Variants in FGF13 observed in about 807,000 individuals in gnomAD.
FGF13 encodes the protein fibroblast growth factor homologous factor 2.
Under a neutral mutation model 19.5 loss-of-function variants are expected in FGF13, and 2 were observed. That is an observed-to-expected ratio of 0.10 (90% CI 0.04 to 0.32). FGF13 has a LOEUF of 0.32. Ranked by LOEUF, FGF13 falls within the 10% of genes least tolerant of loss-of-function variation. FGF13 has a pLI of 1.00. For synonymous variants in FGF13, 72 were observed against 76.9 expected, an observed-to-expected ratio of 0.94 and a Z score of 0.33; for missense variants, 113 against 192.7, an observed-to-expected ratio of 0.59 and a Z score of 2.45.
At chrX:138,892,034 A>G (rs866653888) in intron 1 of FGF13, among the ~76,000 whole-genome samples, 3 of 69,251 alleles carry the variant, frequency 4.3e-5, no homozygotes, top group African/African-American at 1.5e-4. Flanking sequence ...GTGTGTGTGT[A>G]TTATCTCCTA....
At chrX:138,789,321 A>T (rs1439661244) in intron 3 of FGF13, among the ~76,000 whole-genome samples, 1 of 106,098 alleles carries the variant, frequency 9.4e-6, no homozygotes, top group Non-Finnish European at 1.9e-5. Flanking sequence ...GGTGCCTGCC[A>T]CTACCCTCAG....
chrX:139,127,692 A>T (rs2083727261), intron 1 of FGF13, among the ~76,000 whole-genome samples: 1 of 111,923 alleles, frequency 8.9e-6, no homozygotes, highest in Admixed American at 9.4e-5. Context: ...GCTAAGGAGA[A>T]TGACATGCCA....
rs144244395 is a variant in FGF13, at chrX:138,928,596, T to G, written c.-112-63946A>C. ...ATCTCCCAATCCCCAGAGGGCAGCA[T>G]AATCCCTACAGCAAAAGAGTAATAA... On this transcript the variant is annotated intron_variant, in intron 1 of 2. Transcript: ENST00000421460. Among the ~76,000 whole-genome samples the G allele has an allele frequency of 5.0e-3, 552 of 110,944 alleles. 2 individuals carry two copies. The highest frequency in any genetic ancestry group is 8.9e-3 in the Non-Finnish European group (471 of 52,988).
chrX:138,949,796 G>T (rs1026645309), intron 1 of FGF13, among the ~76,000 whole-genome samples: 1 of 111,877 alleles, frequency 8.9e-6, no homozygotes, highest in African/African-American at 3.2e-5. Flanking sequence ...AAGAAAAGAG[G>T]TAAGGGTATA....
rs1369688833 is a variant in FGF13, at chrX:138,625,466, A to G, written c.*7384T>C. On this transcript the variant is annotated 3_prime_UTR_variant, in exon 5 of 5. Transcript: ENST00000315930. ...TGAATGAAGAAAGAAAATTATATAT[A>G]TATACATATATATATATAATATATA... The G allele has an allele frequency of 2.1e-5, 2 of 96,040 alleles. No homozygotes were observed. The highest frequency in any genetic ancestry group is 2.4e-4 in the Admixed American group (2 of 8,354). 7.9% of individuals were successfully genotyped at this position (96,040 alleles called of 1,213,427 possible).
intron 1 of FGF13, among the ~76,000 whole-genome samples, chrX:138,984,629 G>GGAA (rs2091984797): frequency 4.0e-5 from 3 of 74,405 alleles, no homozygotes; most frequent in Non-Finnish European, 5.5e-5. Flanking sequence ...AGGAAGAGGA[G>GGAA]GAGGAGGAGG....
At chrX:139,190,357 T>C (rs2084315624) in intron 1 of FGF13, among the ~76,000 whole-genome samples, 1 of 109,501 alleles carries the variant, frequency 9.1e-6, no homozygotes, top group African/African-American at 3.4e-5. Flanking sequence ...TAAACCATAA[T>C]AATTGGTTGC....
chrX:138,985,994 A>G (rs2091993174), intron 1 of FGF13, among the ~76,000 whole-genome samples: 1 of 111,950 alleles, frequency 8.9e-6, no homozygotes, highest in African/African-American at 3.2e-5. Context: ...CACTGTTTAT[A>G]ATCGACTGTT....
chrX:138,767,063 T>C (rs1404114841), intron 3 of FGF13, among the ~76,000 whole-genome samples: 1 of 111,309 alleles, frequency 9.0e-6, no homozygotes, highest in African/African-American at 3.3e-5. Context: ...CGAGGCTCTG[T>C]GGGCCAAGTT....
chrX:138,690,990 T>C (rs902226873), intron 3 of FGF13, among the ~76,000 whole-genome samples: 5 of 111,549 alleles, frequency 4.5e-5, no homozygotes, highest in African/African-American at 1.6e-4. Flanking sequence ...TAGTATCTTA[T>C]GGATATTCAA....
At chrX:138,894,183 G>A (rs1024159342) in intron 1 of FGF13, among the ~76,000 whole-genome samples, 9 of 109,913 alleles carry the variant, frequency 8.2e-5, no homozygotes, top group African/African-American at 1.7e-4. Context: ...CCCGGGTCTC[G>A]GGGGATTCGG....
In FGF13 at chrX:138,956,131, G is replaced by A. The variant is rs141439495; in HGVS notation, c.-112-91481C>T. Among the ~76,000 whole-genome samples, 574 of 111,977 alleles carry A rather than the reference G, an allele frequency of 5.1e-3. 2 individuals carry two copies. The highest frequency in any genetic ancestry group is 0.011 in the African/African-American group (344 of 30,853). On this transcript the variant is annotated intron_variant, in intron 1 of 2. Coordinates refer to the FGF13 transcript ENST00000421460. Reference sequence around the variant, plus strand: ...AGCCAAACAAGCACCATACCAGGGCGAGCACCAGATACTGCTTCTTTAAGA... The same window carrying A: ...AGCCAAACAAGCACCATACCAGGGCAAGCACCAGATACTGCTTCTTTAAGA...
intron 1 of FGF13, among the ~76,000 whole-genome samples, chrX:138,899,146 G>C (rs2091518722): frequency 9.0e-6 from 1 of 111,356 alleles, no homozygotes; most frequent in South Asian, 3.8e-4. Context: ...GTCAGTTGCT[G>C]CTTTGGCTTG....
chrX:138,738,171 T>G (rs1356892480), intron 1 of FGF13, among the ~76,000 whole-genome samples: 1 of 111,850 alleles, frequency 8.9e-6, no homozygotes, highest in East Asian at 2.8e-4. Flanking sequence ...TTAATCCCAG[T>G]TAATTACATG....
chrX:138,873,025 CA>C (rs201653951), intron 1 of FGF13, among the ~76,000 whole-genome samples: 2,434 of 111,705 alleles, frequency 0.022, 71 homozygotes, highest in African/African-American at 0.075. Flanking sequence ...GCAACTTAGA[CA>C]GGGGGAGAAA....
chrX:139,055,375 T>C (rs1008207201), intron 1 of FGF13, among the ~76,000 whole-genome samples: 6 of 112,465 alleles, frequency 5.3e-5, no homozygotes, highest in Non-Finnish European at 1.1e-4. Flanking sequence ...TCTCCTGTTA[T>C]GCTTCTTTGA....
At chrX:139,107,563 A>C (rs2083569178) in intron 1 of FGF13, among the ~76,000 whole-genome samples, 1 of 111,342 alleles carries the variant, frequency 9.0e-6, no homozygotes, top group Admixed American at 9.6e-5. Context: ...ATATTTATGA[A>C]AGTAACTGAA....
intron 1 of FGF13, among the ~76,000 whole-genome samples, chrX:138,993,459 A>C (rs778426454): frequency 9.6e-4 from 108 of 111,920 alleles, no homozygotes; most frequent in African/African-American, 3.4e-3. Context: ...TTGCAATCCA[A>C]CCTATTTCAT....
chrX:139,155,451 A>C (rs141959845), intron 1 of FGF13, among the ~76,000 whole-genome samples: 146 of 112,030 alleles, frequency 1.3e-3, no homozygotes, highest in African/African-American at 4.1e-3. Flanking sequence ...AGTATCTACT[A>C]GAAAGAAAGT....
Sources: allele counts gnomAD v4.1 joint callset (sites outside exome capture counted in the v4.1 genomes callset), GRCh38; gene constraint gnomAD v4.1.1; transcripts MANE v1.5; gene names NCBI Gene and HGNC (gene_info 2026-07-23, HGNC 2026-07-21).